The following DCDC1 variants were observed in gnomAD, a reference collection of about 807,000 sequenced individuals.
The protein encoded by DCDC1 is doublecortin domain-containing protein 1.
Under a neutral mutation model 178.3 loss-of-function variants are expected in DCDC1, and 200 were observed. That is an observed-to-expected ratio of 1.12 (90% CI 1.00 to 1.26). The LOEUF is 1.26. Among genes scored for constraint, DCDC1 ranks in the 50% most tolerant of loss-of-function variants. DCDC1 has a pLI of 0.00. For synonymous variants in DCDC1, 690 were observed against 604.8 expected (o/e 1.14, Z -2.07); for missense variants, 1,983 against 1,749.2 (o/e 1.13, Z -2.38).
intron 34 of DCDC1, among the ~76,000 whole-genome samples, chr11:30,898,929 C>A (rs1271687259): frequency 1.3e-5 from 2 of 152,056 alleles, no homozygotes; most frequent in Non-Finnish European, 2.9e-5. Context: ...TCATTTGTAT[C>A]TCAAGTCCTG....
chr11:31,310,221 A>G (rs1273415858), intron 3 of DCDC1, among the ~76,000 whole-genome samples: 1 of 151,606 alleles, frequency 6.6e-6, no homozygotes, highest in Non-Finnish European at 1.5e-5. Context: ...TTTTTATGTT[A>G]AAGAGTTAAT....
chr11:31,313,809 CAA>C (rs1948907143), intron 3 of DCDC1, among the ~76,000 whole-genome samples: 2 of 152,048 alleles, frequency 1.3e-5, no homozygotes, highest in Admixed American at 1.3e-4. Context: ...AAGACAAAAA[CAA>C]AAACAAAAAA....
chr11:30,993,474 G>T (rs1410412229), intron 20 of DCDC1, among the ~76,000 whole-genome samples: 2 of 151,902 alleles, frequency 1.3e-5, no homozygotes, highest in South Asian at 4.2e-4. Context: ...AAATAATAAA[G>T]GTTAGAGCAT....
intron 7 of DCDC1, among the ~76,000 whole-genome samples, chr11:31,277,652 T>C (rs1452779174): frequency 1.3e-5 from 2 of 152,150 alleles, no homozygotes; most frequent in African/African-American, 4.8e-5. Flanking sequence ...TTTAATTGCA[T>C]TTCCTCGATG....
intron 7 of DCDC1, among the ~76,000 whole-genome samples, chr11:31,286,136 T>A (rs1302850441): frequency 2.0e-5 from 3 of 152,046 alleles, no homozygotes; most frequent in Non-Finnish European, 4.4e-5. Flanking sequence ...TCTGGAGACA[T>A]TTGTTGAAAT....
intron 9 of DCDC1, among the ~76,000 whole-genome samples, chr11:31,169,299 A>T (rs1271094449): frequency 6.6e-6 from 1 of 152,236 alleles, no homozygotes; most frequent in African/African-American, 2.4e-5. Flanking sequence ...ACCATGGCAC[A>T]TGTATACCTA....
chr11:31,361,452 T>C (rs767345246), intron 1 of DCDC1, among the ~76,000 whole-genome samples: 17 of 152,306 alleles, frequency 1.1e-4, no homozygotes, highest in Middle Eastern at 3.4e-3. Context: ...TATAAACTAA[T>C]TTACGTTAGT....
At chr11:31,112,626 C>G (rs2135814826) in intron 11 of DCDC1, among the ~76,000 whole-genome samples, 1 of 152,208 alleles carries the variant, frequency 6.6e-6, no homozygotes, top group South Asian at 2.1e-4. Context: ...TGATGCAGAT[C>G]CTGTTGAAAA....
intron 8 of DCDC1, among the ~76,000 whole-genome samples, chr11:31,245,344 A>T (rs941288733): frequency 6.6e-6 from 1 of 151,630 alleles, no homozygotes; most frequent in African/African-American, 2.4e-5. Flanking sequence ...TGTCTACTAG[A>T]TGAATAAATG....
chr11:31,137,782 C>A lies in DCDC1; in HGVS notation c.1224G>T (p.Leu408Phe). Residue 408 changes from leucine to phenylalanine, a missense_variant and splice_region_variant, in exon 10 of 39, where the codon TTG becomes TTT. Physicochemically the swap from Leu to Phe is conservative, Grantham distance 22. Coordinates refer to ENST00000684477, the MANE Select transcript of DCDC1 (RefSeq NM_001387274.1). ...LKSAKKYYKQ[L>F]NLVMNEQKEK... ...CCTTCTGTTCATTCATGACCAGGTT[C>A]AACTAGAAAAAACAAATAAACAGCA... 1.4e-6 allele frequency: 1 copy of A among 701,578 alleles called. No homozygotes were observed. Among genetic ancestry groups the A allele is most frequent in the South Asian group, 1.5e-5 (1 of 67,266 alleles). 43.5% of individuals were successfully genotyped at this position (701,578 alleles called of 1,614,324 possible).
At chr11:31,142,952 A>C (rs1964011622) in intron 9 of DCDC1, among the ~76,000 whole-genome samples, 2 of 152,140 alleles carry the variant, frequency 1.3e-5, no homozygotes, top group Admixed American at 1.3e-4. Flanking sequence ...AATTGATCGC[A>C]CTTTCCCTCA....
chr11:30,896,225 C>G (rs1189679248), intron 34 of DCDC1, among the ~76,000 whole-genome samples: 1 of 152,130 alleles, frequency 6.6e-6, no homozygotes, highest in East Asian at 1.9e-4. Context: ...TTTCTTATTA[C>G]ATTTTCCCAT....
chr11:30,911,448 C>T (rs1447233214), intron 27 of DCDC1, 28 bp from the exon 28 acceptor site: 1 of 1,551,878 alleles, frequency 6.4e-7, no homozygotes, highest in South Asian at 1.2e-5. Context: ...AGCCACATTA[C>T]AAAGTAGCAT....
intron 38 of DCDC1, among the ~76,000 whole-genome samples, chr11:30,876,256 G>A (rs1942110587): frequency 6.6e-6 from 1 of 152,184 alleles, no homozygotes; most frequent in African/African-American, 2.4e-5. Flanking sequence ...TGATAAACAT[G>A]TTCCCAAAGG....
At chr11:31,282,075 A>G (rs904285280) in intron 7 of DCDC1, among the ~76,000 whole-genome samples, 1 of 152,104 alleles carries the variant, frequency 6.6e-6, no homozygotes, top group Non-Finnish European at 1.5e-5. Context: ...ATGTCTTTAT[A>G]ATGCTAGTCT....
At chr11:30,926,022 T>C (rs530517535) in intron 22 of DCDC1, among the ~76,000 whole-genome samples, 1 of 152,198 alleles carries the variant, frequency 6.6e-6, no homozygotes, top group East Asian at 1.9e-4. Flanking sequence ...CTGTGGATAT[T>C]GAGATGATGA....
intron 36 of DCDC1, among the ~76,000 whole-genome samples, chr11:30,887,932 G>A (rs1943320518): frequency 6.6e-6 from 1 of 151,150 alleles, no homozygotes; most frequent in African/African-American, 2.4e-5. Context: ...GAACCCAGAA[G>A]GTGGAGGTTG....
At chr11:31,066,249 T>C (rs71482084) in intron 18 of DCDC1, among the ~76,000 whole-genome samples, 2,095 of 152,314 alleles carry the variant, frequency 0.014, 30 homozygotes, top group South Asian at 0.055. Flanking sequence ...TACCCTTACA[T>C]GGAAGTAATT....
intron 7 of DCDC1, among the ~76,000 whole-genome samples, chr11:31,271,572 C>T (rs1321214082): frequency 6.6e-6 from 1 of 152,156 alleles, no homozygotes; most frequent in Admixed American, 6.5e-5. Context: ...TTTACCATCA[C>T]TTTACTGAAA....
Sources: allele counts gnomAD v4.1 joint callset (sites outside exome capture counted in the v4.1 genomes callset), GRCh38; gene constraint gnomAD v4.1.1; transcripts MANE v1.5; gene names NCBI Gene and HGNC (gene_info 2026-07-23, HGNC 2026-07-21).